Variants in ARFGAP3 observed in about 807,000 individuals in gnomAD.
ARFGAP3 encodes the protein ARF GTPase activating protein 3, also known as ADP-ribosylation factor GTPase-activating protein 3.
ARFGAP3 carries 72 observed loss-of-function variants against 75.0 expected under a neutral mutation model. The ratio of observed to expected loss-of-function variants is 0.96; its 90% confidence interval spans 0.79 to 1.17. The LOEUF is 1.17. ARFGAP3 is among the 50% of genes most tolerant of loss of function. The probability of loss-of-function intolerance (pLI) is 0.00; values close to 1 mark genes in which losing one functional copy is unlikely to be tolerated. For missense variants in ARFGAP3, 620 were observed against 626.6 expected (o/e 0.99, Z 0.11); for synonymous variants, 221 against 217.9 (o/e 1.01, Z -0.13).
In ARFGAP3 at chr22:42,835,395, G is replaced by C. The variant is rs753189345; in HGVS notation, c.360C>G (p.Leu120=). The change falls in exon 4 of 16, where the codon CTC becomes CTG. Residue 120 remains leucine, a synonymous_variant. Coordinates refer to ENST00000263245, the MANE Select transcript of ARFGAP3 (RefSeq NM_014570.5). The part of the protein sequence containing the change: ...AQLYREKIKS[L]ASQATRKHGT... ...CATGCTTCCGTGTTGCTTGAGAGGC[G>C]AGCGATTTGATTTTCTCCCTATAGA... 2 of 1,614,092 alleles carry C rather than the reference G, an allele frequency of 1.2e-6. No individual in the cohort carries two copies. Among genetic ancestry groups the C allele is most frequent in the East Asian group, 4.5e-5 (2 of 44,886 alleles).
chr22:42,823,520 C>T lies in ARFGAP3; in HGVS notation c.672+136G>A, dbSNP rs1925902607. 5 of 579,132 alleles carry T rather than the reference C, an allele frequency of 8.6e-6. 1 individual carries two copies. In the Admixed American group the frequency reaches 1.2e-4, roughly 14 times the overall value. The allele number at this position is 579,132 out of a possible 1,614,324, so 35.9% of individuals were successfully genotyped here. On this transcript the variant is annotated intron_variant, in intron 8 of 15. Transcript: ENST00000263245. The stretch of plus-strand genomic sequence containing the variant: ...TCTCTTTGACATTAATCTCTTTGAA[C>T]AAAACATAGACTCCTTATATCAAAG...
chr22:42,844,596 A>T (rs1348381034), intron 2 of ARFGAP3, among the ~76,000 whole-genome samples: 13 of 101,824 alleles, frequency 1.3e-4, no homozygotes, highest in Non-Finnish European at 2.3e-4. Flanking sequence ...AAGGAAAAAA[A>T]AAAAAAAAAA....
intron 13 of ARFGAP3, 163 bp from the exon 14 acceptor site, chr22:42,807,326 A>G: frequency 1.1e-6 from 1 of 936,364 alleles, no homozygotes; most frequent in African/African-American, 1.8e-5. Context: ...GCGGGACAGC[A>G]CAAAGCTCAT....
At chr22:42,848,097 C>T (rs914197912) in intron 1 of ARFGAP3, among the ~76,000 whole-genome samples, 3 of 151,988 alleles carry the variant, frequency 2.0e-5, no homozygotes, top group African/African-American at 7.2e-5. Flanking sequence ...TTCCTGACCT[C>T]AGGTGATCTG....
In ARFGAP3 at chr22:42,841,034, TACTA is replaced by T. The variant is rs763957879; in HGVS notation, c.189-22_189-19del. On this transcript the variant is annotated intron_variant, in intron 2 of 15. Coordinates refer to ENST00000263245, the MANE Select transcript of ARFGAP3 (RefSeq NM_014570.5). Reference sequence around the variant, plus strand: ...CTGTAGATCTAAATGGAAAGAATATTACTAACTGTTAATATTTTTTATCCCCAGG... The same window carrying T: ...CTGTAGATCTAAATGGAAAGAATATTACTGTTAATATTTTTTATCCCCAGG... 8.1e-6 allele frequency: 13 copies of T among 1,609,652 alleles called. No individual in the cohort carries two copies. The highest frequency in any genetic ancestry group is 1.7e-5 in the Admixed American group (1 of 59,238).
intron 6 of ARFGAP3, among the ~76,000 whole-genome samples, chr22:42,830,692 A>G (rs888208560): frequency 1.3e-5 from 2 of 152,248 alleles, no homozygotes; most frequent in Non-Finnish European, 2.9e-5. Flanking sequence ...TTTACAATAA[A>G]TGTAATCCTG....
At chr22:42,848,375 A>AT (rs1927118827) in intron 1 of ARFGAP3, among the ~76,000 whole-genome samples, 1 of 151,924 alleles carries the variant, frequency 6.6e-6, no homozygotes, top group Non-Finnish European at 1.5e-5. Context: ...CACCCGGCTA[A>AT]TTTTTTGTAT....
At chr22:42,805,189 A>C (rs1342344315) in intron 14 of ARFGAP3, among the ~76,000 whole-genome samples, 1 of 152,184 alleles carries the variant, frequency 6.6e-6, no homozygotes, top group Non-Finnish European at 1.5e-5. Flanking sequence ...TTGGTTTGGC[A>C]TCCACACAGG....
rs996085018 is a variant in ARFGAP3, at chr22:42,838,183, C to T, written c.262-2690G>A. ...AATTGATTTTTATGCTTAGGGACAA[C>T]GAAGAAAAAAGATTGAGAAACTAGC... On this transcript the variant is annotated intron_variant, in intron 3 of 15. Transcript: ENST00000263245. Among the ~76,000 whole-genome samples, 8 of 149,300 alleles carry T rather than the reference C, an allele frequency of 5.4e-5. No homozygotes were observed. In the South Asian group the frequency reaches 1.0e-3, roughly 20 times the overall value.
chr22:42,826,854 A>G, intron 7 of ARFGAP3, 86 bp downstream of exon 7: 1 of 1,149,196 alleles, frequency 8.7e-7, no homozygotes, highest in Non-Finnish European at 1.3e-6. Flanking sequence ...GTCAGGTGAG[A>G]TGCCCAGGCC....
chr22:42,850,818 A>G (rs1319403111), intron 1 of ARFGAP3, among the ~76,000 whole-genome samples: 1 of 152,202 alleles, frequency 6.6e-6, no homozygotes, highest in African/African-American at 2.4e-5. Context: ...CAGGAGATTT[A>G]CTTTGGTGTT....
chr22:42,849,724 AT>A (rs575599256), intron 1 of ARFGAP3, among the ~76,000 whole-genome samples: 135 of 145,954 alleles, frequency 9.2e-4, no homozygotes, highest in Middle Eastern at 7.1e-3. Flanking sequence ...CCGTGCCCAG[AT>A]TTTTTTTTTT....
rs532198520 is a variant in ARFGAP3 at position 42,800,308 on chromosome 22, T to C, written c.1412-1148A>G. 5.9e-5 allele frequency among the ~76,000 whole-genome samples: 9 copies of C among 152,170 alleles called. No homozygotes were observed. In the South Asian group the frequency reaches 1.9e-3, roughly 32 times the overall value. Reference sequence around the variant, plus strand: ...ACTCTGGGAGGCTGAGGTGGGAGGATCACTTGAGGTCAGGAGTTCAAGACC... The same window carrying C: ...ACTCTGGGAGGCTGAGGTGGGAGGACCACTTGAGGTCAGGAGTTCAAGACC... On this transcript the variant is annotated intron_variant, in intron 14 of 15. Transcript: ENST00000263245.
intron 3 of ARFGAP3, among the ~76,000 whole-genome samples, chr22:42,839,754 C>T (rs534726832): frequency 6.6e-6 from 1 of 152,214 alleles, no homozygotes; most frequent in African/African-American, 2.4e-5. Context: ...ACCCTCACTT[C>T]CTGTTTTAAT....
intron 1 of ARFGAP3, among the ~76,000 whole-genome samples, chr22:42,856,264 A>G (rs1186128159): frequency 2.6e-5 from 4 of 152,226 alleles, no homozygotes; most frequent in African/African-American, 9.6e-5. Context: ...GGAACTTTCT[A>G]TGCCAGCATA....
chr22:42,802,051 G>A (rs148502195), intron 14 of ARFGAP3, among the ~76,000 whole-genome samples: 1 of 152,214 alleles, frequency 6.6e-6, no homozygotes, highest in Non-Finnish European at 1.5e-5. Context: ...GGGGAGCTGT[G>A]CTTCAAGCTG....
At chr22:42,853,087 T>G (rs5758988) in intron 1 of ARFGAP3, among the ~76,000 whole-genome samples, 2 of 152,078 alleles carry the variant, frequency 1.3e-5, no homozygotes, top group Admixed American at 6.5e-5. Flanking sequence ...TTTAAATCAA[T>G]GAATGTTTTC....
intron 3 of ARFGAP3, among the ~76,000 whole-genome samples, chr22:42,838,184 G>A (rs1399007868): frequency 2.7e-5 from 4 of 150,586 alleles, no homozygotes; most frequent in African/African-American, 7.3e-5. Flanking sequence ...TAGGGACAAC[G>A]AAGAAAAAAG....
chr22:42,832,983 T>C (rs370090916), intron 5 of ARFGAP3, among the ~76,000 whole-genome samples: 2 of 148,992 alleles, frequency 1.3e-5, no homozygotes, highest in African/African-American at 5.0e-5. Flanking sequence ...GAAAACTCCG[T>C]CTTTAAAAAA....
Sources: gnomAD v4.1 joint callset for allele counts (sites outside exome capture counted in the v4.1 genomes callset) on GRCh38, gnomAD v4.1.1 for gene constraint, MANE v1.5 for transcripts, NCBI Gene and HGNC (gene_info 2026-07-23, HGNC 2026-07-21) for gene names.